The following EPHA5 variants were observed in gnomAD, a reference collection of about 807,000 sequenced individuals.
The protein encoded by EPHA5 is EPH receptor A5.
Under a neutral mutation model 105.0 loss-of-function variants are expected in EPHA5, and 60 were observed. That is an observed-to-expected ratio of 0.57 (90% CI 0.46 to 0.71). The LOEUF (loss-of-function observed/expected upper bound fraction) is 0.71. Among genes scored for constraint, EPHA5 ranks in the 30% least tolerant of loss-of-function variants. The pLI is 0.00. For missense variants in EPHA5, 1,218 were observed against 1,274.7 expected, an observed-to-expected ratio of 0.96 and a Z score of 0.68; for synonymous variants, 513 against 449.1, an observed-to-expected ratio of 1.14 and a Z score of -1.80.
At chr4:65,606,309 T>A (rs1031573578) in intron 2 of EPHA5, among the ~76,000 whole-genome samples, 1 of 152,200 alleles carries the variant, frequency 6.6e-6, no homozygotes, top group South Asian at 2.1e-4. Context: ...CATTTTATAA[T>A]GAATGAATTA....
chr4:65,344,509 G>A (rs750452709), intron 14 of EPHA5, among the ~76,000 whole-genome samples: 5 of 152,152 alleles, frequency 3.3e-5, no homozygotes, highest in Non-Finnish European at 7.4e-5. Context: ...ATAATTCTGA[G>A]TGACAGGATC....
chr4:65,534,751 A>G (rs560243253), intron 3 of EPHA5, among the ~76,000 whole-genome samples: 73 of 152,330 alleles, frequency 4.8e-4, no homozygotes, highest in African/African-American at 1.7e-3. Context: ...TTACAGATGC[A>G]ATGTTCATAT....
chr4:65,457,556 A>G (rs80323958), intron 5 of EPHA5, among the ~76,000 whole-genome samples: 38,483 of 151,996 alleles, frequency 0.25, 5,294 homozygotes, highest in Middle Eastern at 0.35. Flanking sequence ...GCTTAAAGGT[A>G]TACATCTCAG....
At chr4:65,629,577 G>T (rs1202966330) in intron 2 of EPHA5, among the ~76,000 whole-genome samples, 6 of 152,098 alleles carry the variant, frequency 3.9e-5, no homozygotes, top group Admixed American at 3.9e-4. Flanking sequence ...CAATTTTGGG[G>T]AATAAAATAT....
chr4:65,386,342 C>A (rs73218333), intron 8 of EPHA5, among the ~76,000 whole-genome samples: 9 of 151,786 alleles, frequency 5.9e-5, no homozygotes, highest in Non-Finnish European at 2.9e-5. Flanking sequence ...AAATAAGCAA[C>A]GATGTTCTAG....
intron 8 of EPHA5, among the ~76,000 whole-genome samples, chr4:65,391,923 C>T (rs1028708950): frequency 2.0e-5 from 3 of 152,020 alleles, no homozygotes; most frequent in African/African-American, 7.2e-5. Flanking sequence ...TTTCCAGTAC[C>T]ATAAACTGAG....
intron 5 of EPHA5, among the ~76,000 whole-genome samples, chr4:65,448,414 G>A (rs1380026247): frequency 2.0e-5 from 3 of 152,100 alleles, no homozygotes; most frequent in South Asian, 2.1e-4. Context: ...TTGTGAGGCC[G>A]AGGAGGACAG....
At chr4:65,406,716 T>C (rs533838199) in intron 7 of EPHA5, among the ~76,000 whole-genome samples, 15 of 152,130 alleles carry the variant, frequency 9.9e-5, no homozygotes, top group Non-Finnish European at 1.8e-4. Flanking sequence ...AAAGAATCCT[T>C]TCATTTTTTT....
chr4:65,574,607 T>C (rs1413822643), intron 3 of EPHA5, among the ~76,000 whole-genome samples: 2 of 136,696 alleles, frequency 1.5e-5, no homozygotes, highest in Non-Finnish European at 3.1e-5. Context: ...GCTGTATATA[T>C]ATATACATAT....
intron 3 of EPHA5, among the ~76,000 whole-genome samples, chr4:65,511,997 G>T (rs981775253): frequency 6.6e-6 from 1 of 152,150 alleles, no homozygotes; most frequent in African/African-American, 2.4e-5. Context: ...TGAGTGCTAT[G>T]GGCTAGGCAT....
intron 5 of EPHA5, among the ~76,000 whole-genome samples, chr4:65,439,986 A>G (rs984211719): frequency 2.6e-5 from 4 of 152,094 alleles, no homozygotes; most frequent in Admixed American, 2.6e-4. Context: ...AGTTTGCACT[A>G]AATGCTTATA....
At chr4:65,465,445 A>AAAGGAAGG (rs71604536) in intron 5 of EPHA5, among the ~76,000 whole-genome samples, 1 of 135,338 alleles carries the variant, frequency 7.4e-6, no homozygotes, top group African/African-American at 2.8e-5. Flanking sequence ...CTAAAGAAAG[A>AAAGGAAGG]AAGAAAGAAA....
intron 5 of EPHA5, among the ~76,000 whole-genome samples, chr4:65,454,599 T>G (rs1727393254): frequency 6.6e-6 from 1 of 152,176 alleles, no homozygotes; most frequent in South Asian, 2.1e-4. Flanking sequence ...TGCTCAAAAT[T>G]GCATCCTGAC....
chr4:65,550,599 G>C (rs1737801668), intron 3 of EPHA5, among the ~76,000 whole-genome samples: 1 of 152,116 alleles, frequency 6.6e-6, no homozygotes, highest in South Asian at 2.1e-4. Context: ...CCTTTGGGAG[G>C]CCCAGGCAGG....
chr4:65,662,174 A>G (rs1328837150), intron 1 of EPHA5, among the ~76,000 whole-genome samples: 2 of 152,082 alleles, frequency 1.3e-5, no homozygotes, highest in African/African-American at 2.4e-5. Flanking sequence ...ATAAGAGTGT[A>G]AAATTAATAT....
chr4:65,335,346 A>T, intron 15 of EPHA5, among the ~76,000 whole-genome samples: 1 of 152,066 alleles, frequency 6.6e-6, no homozygotes, highest in East Asian at 1.9e-4. Context: ...AAAAGTAAAA[A>T]ATATGCTCAT....
chr4:65,659,713 G>A (rs1487417504), intron 1 of EPHA5, among the ~76,000 whole-genome samples: 1 of 152,042 alleles, frequency 6.6e-6, no homozygotes, highest in Non-Finnish European at 1.5e-5. Flanking sequence ...GTGTGCATTT[G>A]TGAGCCTGCA....
At chr4:65,663,387 T>TA (rs1578727393) in intron 1 of EPHA5, among the ~76,000 whole-genome samples, 1 of 152,020 alleles carries the variant, frequency 6.6e-6, no homozygotes, top group East Asian at 1.9e-4. Context: ...ACCTACTAAA[T>TA]TACAGTTTTC....
chr4:65,321,202 T>A lies in EPHA5; in HGVS notation c.*2912A>T, dbSNP rs1274337158. 1 of 230,724 alleles carries A rather than the reference T, an allele frequency of 4.3e-6. No individual in the cohort carries two copies. The highest frequency in any genetic ancestry group is 8.6e-6 in the Non-Finnish European group (1 of 116,422). 14.3% of individuals were successfully genotyped at this position (230,724 alleles called of 1,614,324 possible). A position where few individuals can be genotyped will look rare whatever the true frequency, so the allele number is the denominator to read the frequency against. ...CCCCTTAAGATATTGCTACTGGCAA[T>A]TACAATAAGATTATGTATTATTTGC... On this transcript the variant is annotated 3_prime_UTR_variant, in exon 17 of 17. Coordinates refer to ENST00000613740, the MANE Select transcript of EPHA5 (RefSeq NM_001281766.3).
Sources: gnomAD v4.1 joint callset for allele counts (sites outside exome capture counted in the v4.1 genomes callset) on GRCh38, gnomAD v4.1.1 for gene constraint, MANE v1.5 for transcripts, NCBI Gene and HGNC (gene_info 2026-07-23, HGNC 2026-07-21) for gene names.